Variants in PEDS1 observed in about 807,000 individuals in gnomAD.
PEDS1 encodes the protein plasmanylethanolamine desaturase 1.
A neutral mutation model predicts 35.2 loss-of-function variants in PEDS1; 14 were observed. That is an observed-to-expected ratio of 0.40 (90% CI 0.26 to 0.62). The LOEUF (loss-of-function observed/expected upper bound fraction) is 0.62, where lower values mean the gene tolerates loss of function less well. PEDS1 is among the 20% of genes least tolerant of loss of function. The probability of loss-of-function intolerance (pLI) is 0.44; values close to 1 mark genes in which losing one functional copy is unlikely to be tolerated. For synonymous variants in PEDS1, 152 were observed against 152.0 expected (o/e 1.00, Z 0.00); for missense variants, 260 against 367.8 (o/e 0.71, Z 2.40).
At chr20:50,141,311 A>G (rs2081289423) in intron 2 of PEDS1, among the ~76,000 whole-genome samples, 1 of 152,240 alleles carries the variant, frequency 6.6e-6, no homozygotes. Context: ...GGTAGCACAA[A>G]GAGTGAAAAG....
At chr20:50,144,869 C>T (rs902164360) in intron 1 of PEDS1, among the ~76,000 whole-genome samples, 5 of 152,024 alleles carry the variant, frequency 3.3e-5, no homozygotes, top group Non-Finnish European at 7.4e-5. Context: ...AAAGTACTAG[C>T]ATATTACATT....
intron 1 of PEDS1, among the ~76,000 whole-genome samples, chr20:50,153,182 G>A (rs1187200321): frequency 6.6e-6 from 1 of 151,434 alleles, no homozygotes; most frequent in Non-Finnish European, 1.5e-5. Context: ...GAGGGGGTGG[G>A]GTTCTAAGTC....
chr20:50,147,346 A>G (rs893681915), intron 1 of PEDS1, among the ~76,000 whole-genome samples: 4 of 152,128 alleles, frequency 2.6e-5, no homozygotes, highest in Non-Finnish European at 5.9e-5. Context: ...CCCCCATCCA[A>G]TGGGATATGA....
chr20:50,133,577 T>C (rs1313543310), intron 2 of PEDS1, among the ~76,000 whole-genome samples: 1 of 152,120 alleles, frequency 6.6e-6, no homozygotes, highest in East Asian at 1.9e-4. Context: ...GGCGGGGATG[T>C]AGAAGGCGAG....
Position 50,131,921 on chromosome 20 carries a change from C to A in PEDS1, c.242-974G>T, listed in dbSNP as rs537645888. 4.6e-5 allele frequency among the ~76,000 whole-genome samples: 7 copies of A among 152,168 alleles called. No homozygotes were observed. In the East Asian group the frequency reaches 1.4e-3, roughly 29 times the overall value. ...TTCCTCTTGTAAAATGGGAATGATGCGACTGGGCGCCGTGGCTCACACCTG... is the reference window on the plus strand; with the variant it reads ...TTCCTCTTGTAAAATGGGAATGATGAGACTGGGCGCCGTGGCTCACACCTG... On this transcript the variant is annotated intron_variant, in intron 2 of 5. Coordinates refer to ENST00000371652, the MANE Select transcript of PEDS1 (RefSeq NM_199129.4).
At chr20:50,125,309 C>A in intron 5 of PEDS1, 130 bp from the exon 6 acceptor site, 1 of 1,273,652 alleles carries the variant, frequency 7.9e-7, no homozygotes, top group Non-Finnish European at 1.1e-6. Context: ...GACACAGGGA[C>A]CGGCCAAGGA....
chr20:50,150,134 T>C (rs570154954), intron 1 of PEDS1, among the ~76,000 whole-genome samples: 2 of 152,238 alleles, frequency 1.3e-5, no homozygotes, highest in Non-Finnish European at 2.9e-5. Flanking sequence ...CCTCCTCCTC[T>C]GTGAATGCAG....
rs1381256127 is a variant in PEDS1, at chr20:50,128,583, A to G, written c.479-396T>C. 6.6e-6 allele frequency among the ~76,000 whole-genome samples: 1 copy of G among 152,152 alleles called. No homozygotes were observed. Among genetic ancestry groups the G allele is most frequent in the African/African-American group, 2.4e-5 (1 of 41,438 alleles). ...CTTCACCCAGGTTCCCTAGAAGCGGAGCCTGAAACAGGTTCTTGTGCATGT... is the reference window on the plus strand; with the variant it reads ...CTTCACCCAGGTTCCCTAGAAGCGGGGCCTGAAACAGGTTCTTGTGCATGT... On this transcript the variant is annotated intron_variant, in intron 4 of 5. Transcript: ENST00000371652. This position sits in a 1 kb window ranked among gnomAD's most constrained non-coding sequence, Gnocchi z 5.2.
chr20:50,135,250 C>T (rs997805621), intron 2 of PEDS1, among the ~76,000 whole-genome samples: 7 of 152,190 alleles, frequency 4.6e-5, no homozygotes, highest in African/African-American at 1.7e-4. Flanking sequence ...GCAGTCTCCA[C>T]TGCAGCTCCT....
At chr20:50,149,814 G>A (rs1288968105) in intron 1 of PEDS1, among the ~76,000 whole-genome samples, 1 of 152,132 alleles carries the variant, frequency 6.6e-6, no homozygotes, top group Non-Finnish European at 1.5e-5. Context: ...CTTCCATAGT[G>A]AAGAGTAAGA....
At chr20:50,141,705 CAG>C (rs903386600) in intron 2 of PEDS1, among the ~76,000 whole-genome samples, 2 of 152,216 alleles carry the variant, frequency 1.3e-5, no homozygotes, top group African/African-American at 4.8e-5. Context: ...GGGCTTGAGG[CAG>C]AGAGGCTGGG....
At position 50,122,541 on chromosome 20, in the gene PEDS1, A is replaced by G. The variant is rs894351804; in HGVS notation, c.*2517T>C. On this transcript the variant is annotated 3_prime_UTR_variant, in exon 6 of 6. Transcript: ENST00000371652. ...AACATGCTGAAACCCCATCTCTACT[A>G]AAAATACGAAAATTAGCCGGGCATG... The G allele has an allele frequency of 1.3e-5, 2 of 152,180 alleles. No homozygotes were observed. The highest frequency in any genetic ancestry group is 2.9e-5 in the Non-Finnish European group (2 of 68,038). 9.4% of individuals were successfully genotyped at this position (152,180 alleles called of 1,614,324 possible).
At chr20:50,137,126 T>C (rs1209057352) in intron 2 of PEDS1, among the ~76,000 whole-genome samples, 10 of 152,014 alleles carry the variant, frequency 6.6e-5, no homozygotes, top group Admixed American at 2.0e-4. Flanking sequence ...AGTGTGGCGG[T>C]GCCATTCACA....
At chr20:50,127,831 G>T in intron 5 of PEDS1, 144 bp downstream of exon 5, 1 of 1,164,952 alleles carries the variant, frequency 8.6e-7, no homozygotes, top group Non-Finnish European at 1.2e-6. Context: ...CACAGTAGGT[G>T]CTCAATAAAT....
In PEDS1 at chr20:50,125,234, T is replaced by C. The variant is rs538840616; in HGVS notation, c.692-55A>G. Reference sequence around the variant, plus strand: ...ATGGGAGAGAGTAGTCAAGGGGACATTGGAAGAGAGCTGACCTTCACTGGG... The same window carrying C: ...ATGGGAGAGAGTAGTCAAGGGGACACTGGAAGAGAGCTGACCTTCACTGGG... On this transcript the variant is annotated intron_variant, in intron 5 of 5. Coordinates refer to ENST00000371652, the MANE Select transcript of PEDS1 (RefSeq NM_199129.4). 280 of 1,599,540 alleles carry C rather than the reference T, an allele frequency of 1.8e-4. 2 individuals are homozygous for C. The highest frequency in any genetic ancestry group is 1.5e-3 in the South Asian group (138 of 90,098).
In PEDS1 at chr20:50,119,902, A is replaced by G. The variant is rs1169880805; in HGVS notation, c.*5156T>C. 6.6e-6 allele frequency: 1 copy of G among 152,228 alleles called. No homozygotes were observed. The highest frequency in any genetic ancestry group is 2.4e-5 in the African/African-American group (1 of 41,450). The allele number at this position is 152,228 out of a possible 1,614,324, so 9.4% of individuals were successfully genotyped here. A position where few individuals can be genotyped will look rare whatever the true frequency, so the allele number is the denominator to read the frequency against. ...AAATGAGGGGCATGGCTGTGTGCCA[A>G]TTCAGCTTTACAAACTGGAATTTGA... On this transcript the variant is annotated 3_prime_UTR_variant, in exon 6 of 6. Coordinates refer to ENST00000371652, the MANE Select transcript of PEDS1 (RefSeq NM_199129.4).
chr20:50,121,829 T>G lies in PEDS1; in HGVS notation c.*3229A>C, dbSNP rs2081053521. The G allele has an allele frequency of 6.6e-6, 1 of 152,140 alleles. No homozygotes were observed. The highest frequency in any genetic ancestry group is 6.6e-5 in the Admixed American group (1 of 15,260). 9.4% of individuals were successfully genotyped at this position (152,140 alleles called of 1,614,324 possible). ...CTCCAGGGGAACTGACACAGATTGG[T>G]GGGGCCTGGAAACCAACACCACAGT... On this transcript the variant is annotated 3_prime_UTR_variant, in exon 6 of 6. Transcript: ENST00000371652.
chr20:50,141,927 G>T (rs2081295372), intron 2 of PEDS1, among the ~76,000 whole-genome samples: 1 of 152,302 alleles, frequency 6.6e-6, no homozygotes, highest in South Asian at 2.1e-4. Context: ...TGAGATTGTG[G>T]GAGTTGAACC....
Position 50,128,205 on chromosome 20 carries a change from G to A in PEDS1, c.479-18C>T, listed in dbSNP as rs138028944. The A allele has an allele frequency of 2.4e-5, 38 of 1,613,326 alleles. No individual in the cohort carries two copies. Among genetic ancestry groups the A allele is most frequent in the Non-Finnish European group, 3.1e-5 (36 of 1,179,766 alleles). On this transcript the variant is annotated intron_variant, in intron 4 of 5. Coordinates refer to ENST00000371652, the MANE Select transcript of PEDS1 (RefSeq NM_199129.4). The surrounding 1 kb of genome is among the most constrained non-coding windows in gnomAD (Gnocchi z 5.2). ...CAGGGCTTCTGCAGGTTGGGGAGAG[G>A]GGGGGCCGGCACAGCTGTCACTCGG...
Sources: allele counts gnomAD v4.1 joint callset (sites outside exome capture counted in the v4.1 genomes callset), GRCh38; gene constraint gnomAD v4.1.1; non-coding constraint Gnocchi (gnomAD v3.1); transcripts MANE v1.5; gene names NCBI Gene and HGNC (gene_info 2026-07-23, HGNC 2026-07-21).